Variants in CASS4 observed in about 807,000 individuals in gnomAD.
CASS4 encodes the protein cas scaffolding protein family member 4.
In CASS4, 22 loss-of-function variants were observed where a neutral mutation model predicts 54.2. That is an observed-to-expected ratio of 0.41 (90% CI 0.29 to 0.58). The LOEUF (loss-of-function observed/expected upper bound fraction) is 0.58. Among genes scored for constraint, CASS4 ranks in the 20% least tolerant of loss-of-function variants. CASS4 has a pLI of 0.36. For synonymous variants in CASS4, 409 were observed against 391.5 expected, an observed-to-expected ratio of 1.04 and a Z score of -0.53; for missense variants, 854 against 986.7, an observed-to-expected ratio of 0.87 and a Z score of 1.80.
chr20:56,414,824 G>C lies in CASS4; in HGVS notation c.36+2330G>C, dbSNP rs1349825955. Among the ~76,000 whole-genome samples the C allele has an allele frequency of 6.6e-6, 1 of 152,072 alleles. No individual in the cohort carries two copies. The highest frequency in any genetic ancestry group is 1.5e-5 in the Non-Finnish European group (1 of 68,024). On this transcript the variant is annotated intron_variant, in intron 1 of 5. Transcript: ENST00000679887. The surrounding 1 kb of genome is among the most constrained non-coding windows in gnomAD (Gnocchi z 4.1). ...TAGCTGGGCATAGTGGTGCACGTCT[G>C]TATTCCCAGCTACTCGGGAGGCTGA...
chr20:56,420,357 T>C (rs145967359), intron 1 of CASS4, among the ~76,000 whole-genome samples: 87 of 152,192 alleles, frequency 5.7e-4, no homozygotes, highest in African/African-American at 2.1e-3. Context: ...TAACAGTAAG[T>C]GAAAAGTGCT....
At position 56,430,640 on chromosome 20, in the gene CASS4, A is replaced by G. The variant is rs150975958; in HGVS notation, c.37-6524A>G. 6.2e-4 allele frequency among the ~76,000 whole-genome samples: 94 copies of G among 152,276 alleles called. 1 individual carries two copies. Among genetic ancestry groups the G allele is most frequent in the Middle Eastern group, 3.4e-3 (1 of 294 alleles). On this transcript the variant is annotated intron_variant, in intron 1 of 5. Transcript: ENST00000679887. This position sits in a 1 kb window ranked among gnomAD's most constrained non-coding sequence, Gnocchi z 4.2. ...GCAGCGCCAGGAACATGGGTGCAGG[A>G]TGAGTGCTGGCTGCTGCTATTGCAA...
intron 3 of CASS4, among the ~76,000 whole-genome samples, chr20:56,449,686 A>G (rs1286008378): frequency 1.3e-5 from 2 of 151,812 alleles, no homozygotes; most frequent in African/African-American, 4.8e-5. Flanking sequence ...AATAAAATAA[A>G]AAAGATTTTT....
chr20:56,447,235 TA>T (rs965746698), intron 3 of CASS4, among the ~76,000 whole-genome samples: 5 of 147,704 alleles, frequency 3.4e-5, no homozygotes, highest in Non-Finnish European at 3.0e-5. Context: ...AATCAAAAAT[TA>T]AAAAAAAAAG....
At chr20:56,433,144 C>T (rs1290703854) in intron 1 of CASS4, among the ~76,000 whole-genome samples, 1 of 152,194 alleles carries the variant, frequency 6.6e-6, no homozygotes, top group South Asian at 2.1e-4. Context: ...GGGAGACAGA[C>T]CCTGGATGAG....
intron 1 of CASS4, among the ~76,000 whole-genome samples, chr20:56,422,335 C>T (rs1979451666): frequency 6.6e-6 from 1 of 152,188 alleles, no homozygotes; most frequent in African/African-American, 2.4e-5. Context: ...CCTGAGAGAC[C>T]TTTATTGTTG....
In CASS4 at chr20:56,452,362, G is replaced by A. The variant is rs1981066793; in HGVS notation, c.1186G>A (p.Asp396Asn). The A allele has an allele frequency of 1.2e-6, 2 of 1,613,952 alleles. No homozygotes were observed. The highest frequency in any genetic ancestry group is 2.7e-5 in the African/African-American group (2 of 75,020). Residue 396 changes from aspartate (D) to asparagine (N), a missense_variant, in exon 5 of 6, where the codon GAC (aspartate) becomes AAC (asparagine). Transcript: ENST00000679887. ...GACAACTTCCCCATCTCCTGAACCG[G>A]ACAGATTATCAGGTTCCAGTTCTGA... ...RRTTSPSPEP[D>N]RLSGSSSDSR...
chr20:56,437,479 A>G lies in CASS4; in HGVS notation c.352A>G (p.Ser118Gly). 6.2e-7 allele frequency: 1 copy of G among 1,611,644 alleles called. No homozygotes were observed. Among genetic ancestry groups the G allele is most frequent in the South Asian group, 1.1e-5 (1 of 90,904 alleles). The part of the protein sequence containing the change: ...TPGPVYEQMR[S>G]WAEGPQPPTA... ...AGGCCCCGTTTATGAGCAGATGAGG[A>G]GTTGGGCGGAGGGGCCCCAGCCCCC... is the stretch of plus-strand genomic sequence containing the variant. The change falls in exon 2 of 6, where the codon AGT (serine) becomes GGT (glycine). Residue 118 changes from serine to glycine, a missense_variant. Ser to Gly is a moderately conservative substitution (Grantham distance 56, BLOSUM62 0). Transcript: ENST00000679887. The surrounding 1 kb of genome is among the most constrained non-coding windows in gnomAD (Gnocchi z 4.7).
At chr20:56,446,853 C>T (rs1044184837) in intron 3 of CASS4, among the ~76,000 whole-genome samples, 1 of 152,136 alleles carries the variant, frequency 6.6e-6, no homozygotes, top group African/African-American at 2.4e-5. Flanking sequence ...TTGAGAACCA[C>T]AGTTCCAGTC....
intron 1 of CASS4, among the ~76,000 whole-genome samples, chr20:56,423,118 T>A (rs1280999145): frequency 6.6e-6 from 1 of 152,232 alleles, no homozygotes; most frequent in Non-Finnish European, 1.5e-5. Flanking sequence ...AGAGAAAGTT[T>A]AGACCCAGAC....
intron 1 of CASS4, among the ~76,000 whole-genome samples, chr20:56,413,999 A>G (rs1055235568): frequency 6.6e-6 from 1 of 152,222 alleles, no homozygotes; most frequent in African/African-American, 2.4e-5. Flanking sequence ...AATGGCCAAT[A>G]CAATGACGCT....
chr20:56,430,168 G>A lies in CASS4; in HGVS notation c.37-6996G>A, dbSNP rs56012565. On this transcript the variant is annotated intron_variant, in intron 1 of 5. Coordinates refer to ENST00000679887, the MANE Select transcript of CASS4 (RefSeq NM_020356.4). The surrounding 1 kb of genome is among the most constrained non-coding windows in gnomAD (Gnocchi z 4.2). ...AAGACCACTGTATCCTTGGCTGCTC[G>A]GGTTTAGATGAGCACATTGCACCTG... Among the ~76,000 whole-genome samples, 10,023 of 152,270 alleles carry A rather than the reference G, an allele frequency of 0.066. 402 individuals are homozygous for A. Among genetic ancestry groups the A allele is most frequent in the Middle Eastern group, 0.15 (44 of 294 alleles).
chr20:56,452,609 C>T lies in CASS4; in HGVS notation c.1433C>T (p.Ala478Val), dbSNP rs1434627395. The T allele has an allele frequency of 6.2e-7, 1 of 1,614,044 alleles. No individual in the cohort carries two copies. Among genetic ancestry groups the T allele is most frequent in the Non-Finnish European group, 8.5e-7 (1 of 1,180,028 alleles). Reference protein sequence around the residue: ...FRDYLEANIDAIHRSTDHIEE... With the variant: ...FRDYLEANIDVIHRSTDHIEE... ...GACTATCTGGAGGCCAACATTGATG[C>T]AATCCACAGGTCCACTGATCACATA... is the stretch of plus-strand genomic sequence containing the variant. Residue 478 changes from alanine (A) to valine (V), a missense_variant, in exon 5 of 6, where the codon GCA (alanine) becomes GTA (valine). By Grantham distance (64) the Ala-to-Val change is moderately conservative. Coordinates refer to ENST00000679887, the MANE Select transcript of CASS4 (RefSeq NM_020356.4).
intron 1 of CASS4, among the ~76,000 whole-genome samples, chr20:56,415,188 C>T (rs1979070633): frequency 6.6e-6 from 1 of 152,152 alleles, no homozygotes; most frequent in Admixed American, 6.5e-5. Flanking sequence ...GCTTTGCAGG[C>T]CAAATACAAT....
Position 56,458,682 on chromosome 20 carries a change from C to A in CASS4, c.2296C>A (p.His766Asn). The change falls in exon 6 of 6, where the codon CAC (histidine) becomes AAC (asparagine). Residue 766 changes from histidine to asparagine, a missense_variant. By Grantham distance (68) the His-to-Asn change is moderately conservative (BLOSUM62 1). Coordinates refer to ENST00000679887, the MANE Select transcript of CASS4 (RefSeq NM_020356.4). ...GTACCCCAGCCCTGCCGCGCTGGGG[C>A]ACCTCCAGGCGGAGGCTGAGAAGCT... Reference protein sequence around the residue: ...LTYPSPAALGHLQAEAEKLEQ... With the variant: ...LTYPSPAALGNLQAEAEKLEQ... 6.2e-7 allele frequency: 1 copy of A among 1,612,616 alleles called. No individual in the cohort carries two copies. Among genetic ancestry groups the A allele is most frequent in the Non-Finnish European group, 8.5e-7 (1 of 1,179,596 alleles).
rs1978939315 is a variant in CASS4, at chr20:56,412,682, T to C, written c.36+188T>C. On this transcript the variant is annotated intron_variant, in intron 1 of 5. Transcript: ENST00000679887. This position sits in a 1 kb window ranked among gnomAD's most constrained non-coding sequence, Gnocchi z 4.2. ...GATGTGTTGTAAAGCTCCTTACCAG[T>C]TTGCATCCAAGATGGGTGAAAATGA... 6.6e-6 allele frequency among the ~76,000 whole-genome samples: 1 copy of C among 152,186 alleles called. No homozygotes were observed. The highest frequency in any genetic ancestry group is 1.5e-5 in the Non-Finnish European group (1 of 68,038).
chr20:56,415,139 G>T (rs1250940489), intron 1 of CASS4, among the ~76,000 whole-genome samples: 2 of 152,122 alleles, frequency 1.3e-5, no homozygotes, highest in Admixed American at 6.5e-5. Context: ...TGTACCAGGG[G>T]TTGGCAAACT....
At chr20:56,450,366 T>C (rs1980937413) in intron 3 of CASS4, among the ~76,000 whole-genome samples, 1 of 152,164 alleles carries the variant, frequency 6.6e-6, no homozygotes, top group African/African-American at 2.4e-5. Context: ...GTTGAATGTA[T>C]ACCCTGTTAT....
intron 1 of CASS4, among the ~76,000 whole-genome samples, chr20:56,428,818 G>C (rs148782954): frequency 6.6e-5 from 10 of 152,252 alleles, no homozygotes; most frequent in Admixed American, 3.9e-4. Flanking sequence ...TCCCTGCTCT[G>C]CTACCTGCTG....
Sources: allele counts gnomAD v4.1 joint callset (sites outside exome capture counted in the v4.1 genomes callset), GRCh38; gene constraint gnomAD v4.1.1; non-coding constraint Gnocchi (gnomAD v3.1); transcripts MANE v1.5; gene names NCBI Gene and HGNC (gene_info 2026-07-23, HGNC 2026-07-21).